The following GCC2 variants were observed in gnomAD, a reference collection of about 807,000 sequenced individuals.
GCC2 encodes GRIP and coiled-coil domain containing 2.
GCC2 carries 120 observed loss-of-function variants against 210.6 expected under a neutral mutation model. That is an observed-to-expected ratio of 0.57 (90% CI 0.49 to 0.66). The LOEUF (loss-of-function observed/expected upper bound fraction) is 0.66. Ranked by LOEUF, GCC2 falls within the 30% of genes least tolerant of loss-of-function variation. The pLI is 0.00. For synonymous variants in GCC2, 703 were observed against 652.7 expected (o/e 1.08, Z -1.17); for missense variants, 1,868 against 1,871.9 (o/e 1.00, Z 0.04).
At chr2:108,488,929 C>G (rs1392204335) in intron 17 of GCC2, among the ~76,000 whole-genome samples, 2 of 152,134 alleles carry the variant, frequency 1.3e-5, no homozygotes, top group East Asian at 1.9e-4. Context: ...GATACTGATA[C>G]ATTTCAAAAA....
rs761542390 is a variant in GCC2, at chr2:108,497,106, T to G, written c.4779T>G (p.Ile1593Met). 6.2e-6 allele frequency: 10 copies of G among 1,611,784 alleles called. No homozygotes were observed. Among genetic ancestry groups the G allele is most frequent in the Non-Finnish European group, 7.6e-6 (9 of 1,179,838 alleles). ...EATNAILMEQ[I>M]KLLKSEIRRL... ...CCAATGCAATTCTTATGGAGCAAAT[T>G]AAGGTGAGATCAGAAAACCTGGCCG... The change falls in exon 21 of 23, where the codon ATT (isoleucine) becomes ATG (methionine). Residue 1593 changes from isoleucine (I) to methionine (M), a missense_variant. This residue lies in a region of GCC2 where 1,847 missense variants were observed against 1,765.2 expected (regional missense o/e 1.05). Transcript: ENST00000309863.
At chr2:108,468,299 C>T (rs1173031471) in intron 4 of GCC2, among the ~76,000 whole-genome samples, 1 of 152,086 alleles carries the variant, frequency 6.6e-6, no homozygotes, top group African/African-American at 2.4e-5. Context: ...CTCCTGACCT[C>T]AAGTGATCTG....
In GCC2 at chr2:108,475,851, G is replaced by GT; in HGVS notation, c.3060+2dup. ...CATTCAAGGAGCAGAAAGCTATAAG[G>GT]TAAAAAATAGTCATTTTAATAACAA... On this transcript the variant is annotated splice_donor_variant, in intron 9 of 22. Coordinates refer to ENST00000309863, the MANE Select transcript of GCC2 (RefSeq NM_181453.4). LOFTEE classifies it high-confidence loss of function. 2 of 1,453,688 alleles carry GT rather than the reference G, an allele frequency of 1.4e-6. No individual in the cohort carries two copies. The highest frequency in any genetic ancestry group is 1.9e-6 in the Non-Finnish European group (2 of 1,056,884). 90.0% of individuals were successfully genotyped at this position (1,453,688 alleles called of 1,614,324 possible). A position where few individuals can be genotyped will look rare whatever the true frequency, so the allele number is the denominator to read the frequency against.
chr2:108,493,230 C>A, intron 19 of GCC2: 1 of 294,366 alleles, frequency 3.4e-6, no homozygotes, highest in Non-Finnish European at 5.5e-6. Context: ...GCTGGGACTA[C>A]AGGTGCCTGC....
At chr2:108,451,904 C>T (rs1169926860) in intron 3 of GCC2, among the ~76,000 whole-genome samples, 8 of 144,868 alleles carry the variant, frequency 5.5e-5, no homozygotes, top group Admixed American at 3.6e-4. Context: ...AGTGCAGTGG[C>T]GCAATCTCGG....
intron 4 of GCC2, among the ~76,000 whole-genome samples, chr2:108,460,182 T>C (rs934602354): frequency 3.3e-5 from 5 of 152,198 alleles, no homozygotes; most frequent in Non-Finnish European, 5.9e-5. Flanking sequence ...TTTTGTTCTC[T>C]CTGCTCATTT....
chr2:108,491,092 T>G (rs1682382260), intron 18 of GCC2, among the ~76,000 whole-genome samples: 1 of 151,964 alleles, frequency 6.6e-6, no homozygotes, highest in African/African-American at 2.4e-5. Context: ...ATATTCATAC[T>G]TTATCTATAG....
rs13389402 is a variant in GCC2, at chr2:108,461,460, A to T, written c.217-7520A>T. On this transcript the variant is annotated intron_variant, in intron 4 of 22. Coordinates refer to ENST00000309863, the MANE Select transcript of GCC2 (RefSeq NM_181453.4). ...CTCTTGCTAGACTTGGTGAGTTTTC[A>T]TGTATTATTTCACTATTTCACTAAA... Among the ~76,000 whole-genome samples, 1,414 of 152,164 alleles carry T rather than the reference A, an allele frequency of 9.3e-3. 23 individuals are homozygous for T. The highest frequency in any genetic ancestry group is 0.031 in the Middle Eastern group (9 of 294).
At chr2:108,474,658 T>C (rs1248933769) in intron 7 of GCC2, 1 of 152,236 alleles carries the variant, frequency 6.6e-6, no homozygotes, top group Non-Finnish European at 1.5e-5. Flanking sequence ...TTTAATTTTT[T>C]ATTTTATGGG....
In GCC2 at chr2:108,471,603, G is replaced by A. The variant is rs766964266; in HGVS notation, c.2274G>A (p.Gln758=). 10 of 1,613,366 alleles carry A rather than the reference G, an allele frequency of 6.2e-6. No homozygotes were observed. In the Middle Eastern group the frequency reaches 1.3e-3, roughly 213 times the overall value. ...TTCAGAAGTTATTTGTTAAAACTCA[G>A]TTGTATGGTTTTCTTAAAGAAATGG... ...EQVQKLFVKT[Q]LYGFLKEMGS... The change falls in exon 6 of 23, where the codon CAG becomes CAA. Residue 758 remains glutamine (Q), a synonymous_variant. Coordinates refer to ENST00000309863, the MANE Select transcript of GCC2 (RefSeq NM_181453.4).
At chr2:108,462,264 G>A (rs187300119) in intron 4 of GCC2, among the ~76,000 whole-genome samples, 4,912 of 148,502 alleles carry the variant, frequency 0.033, 282 homozygotes, top group African/African-American at 0.12. Flanking sequence ...AGGCCGAGGC[G>A]GGCAGATCAT....
chr2:108,458,110 C>CT, intron 4 of GCC2, among the ~76,000 whole-genome samples: 1 of 152,168 alleles, frequency 6.6e-6, no homozygotes, highest in East Asian at 1.9e-4. Flanking sequence ...GCCTAGTTTG[C>CT]TAAGAGTTTT....
chr2:108,459,745 C>CTTTGTTTTTTTTTTTTT (rs1680456688), intron 4 of GCC2, among the ~76,000 whole-genome samples: 1 of 26,764 alleles, frequency 3.7e-5, no homozygotes, highest in Non-Finnish European at 6.7e-5. Flanking sequence ...CCTTCTTTGT[C>CTTTGTTTTTTTTTTTTT]TTTTTTTTTT....
chr2:108,507,882 CA>C lies in GCC2; in HGVS notation c.*253del, dbSNP rs1573252781. The C allele has an allele frequency of 2.9e-6, 1 of 342,804 alleles. No homozygotes were observed. The highest frequency in any genetic ancestry group is 5.6e-6 in the Non-Finnish European group (1 of 179,050). 21.2% of individuals were successfully genotyped at this position (342,804 alleles called of 1,614,324 possible). On this transcript the variant is annotated 3_prime_UTR_variant, in exon 23 of 23. Coordinates refer to ENST00000309863, the MANE Select transcript of GCC2 (RefSeq NM_181453.4). Reference sequence around the variant, plus strand: ...ATGCATGCTGCCAGAATAAAACCACCAGGAATGAATTCACTCCCCACTTCTC... The same window carrying C: ...ATGCATGCTGCCAGAATAAAACCACCGGAATGAATTCACTCCCCACTTCTC...
At position 108,475,823 on chromosome 2, in the gene GCC2, T is replaced by C; in HGVS notation, c.3033T>C (p.Asp1011=). ...ACCAGTTATCTGCTTCCATGAGAGA[T>C]CTCATTCAAGGAGCAGAAAGCTATA... ...EKDQLSASMR[D]LIQGAESYKN... The change falls in exon 9 of 23, where the codon GAT becomes GAC. Residue 1011 remains aspartate (D), a synonymous_variant. Coordinates refer to ENST00000309863, the MANE Select transcript of GCC2 (RefSeq NM_181453.4). 6.3e-7 allele frequency: 1 copy of C among 1,591,118 alleles called. No homozygotes were observed. The highest frequency in any genetic ancestry group is 1.4e-5 in the African/African-American group (1 of 73,858).
In GCC2 at chr2:108,470,844, C is replaced by T. The variant is rs200958316; in HGVS notation, c.1515C>T (p.Phe505=). Residue 505 remains phenylalanine, a synonymous_variant, in exon 6 of 23, where the codon TTC becomes TTT. Coordinates refer to ENST00000309863, the MANE Select transcript of GCC2 (RefSeq NM_181453.4). The part of the protein sequence containing the change: ...GESAGKISQE[F]ESMKQQQASD... ...CTGCTGGAAAAATAAGTCAAGAGTTCGAATCAATGAAGCAACAGCAAGCAT... is the reference window on the plus strand; with the variant it reads ...CTGCTGGAAAAATAAGTCAAGAGTTTGAATCAATGAAGCAACAGCAAGCAT... 200 of 1,613,626 alleles carry T rather than the reference C, an allele frequency of 1.2e-4. No homozygotes were observed. In the East Asian group the frequency reaches 2.1e-3, roughly 17 times the overall value.
Position 108,481,814 on chromosome 2 carries a change from C to T in GCC2, c.3178C>T (p.Gln1060Ter). 6.4e-7 allele frequency: 1 copy of T among 1,550,996 alleles called. No individual in the cohort carries two copies. Among genetic ancestry groups the T allele is most frequent in the South Asian group, 1.2e-5 (1 of 81,262 alleles). Residue 1060 changes from glutamine (Q) to a stop codon, truncating the protein, a stop_gained and splice_region_variant, in exon 10 of 23, where the codon CAG (glutamine) becomes TAG (stop). Coordinates refer to ENST00000309863, the MANE Select transcript of GCC2 (RefSeq NM_181453.4). LOFTEE classifies it high-confidence loss of function. ...AAGACAATTAAGAAATTCGACTTTG[C>T]AGGTAATTTTTTAATAAATCCAAAA... ...LTRQLRNSTLQCETINSDNED... is the reference protein window; with the variant it reads ...LTRQLRNSTL
rs1573332070 is a variant in GCC2, at chr2:108,449,940, A to G, written c.63+251A>G. 5 of 510,314 alleles carry G rather than the reference A, an allele frequency of 9.8e-6. No individual in the cohort carries two copies. In the East Asian group the frequency reaches 1.7e-4, roughly 17 times the overall value. The allele number at this position is 510,314 out of a possible 1,614,324, so 31.6% of individuals were successfully genotyped here. ...GGAGATCCTGCTATTTTTCGAACAT[A>G]AAGCAGTCTAAGAAGGTTTATATAG... On this transcript the variant is annotated intron_variant, in intron 2 of 22. Transcript: ENST00000309863.
intron 4 of GCC2, 114 bp downstream of exon 4, chr2:108,452,580 T>G (rs1680003236): frequency 2.9e-6 from 2 of 698,966 alleles, no homozygotes; most frequent in East Asian, 2.5e-5. Flanking sequence ...CTGCCTTGGT[T>G]GTTTTTACCT....
Sources: gnomAD v4.1 joint callset for allele counts (sites outside exome capture counted in the v4.1 genomes callset) on GRCh38, gnomAD v4.1.1 for gene constraint, gnomAD v4.1.1 regional missense constraint, MANE v1.5 for transcripts, NCBI Gene and HGNC (gene_info 2026-07-23, HGNC 2026-07-21) for gene names.